The following KCNH7 variants were observed in gnomAD, a reference collection of about 807,000 sequenced individuals.
KCNH7 encodes the protein voltage-gated inwardly rectifying potassium channel KCNH7.
A neutral mutation model predicts 120.8 loss-of-function variants in KCNH7; 49 were observed. The observed-to-expected ratio is 0.41, with a 90% CI of 0.32 to 0.51. KCNH7 has a LOEUF of 0.51. Among genes scored for constraint, KCNH7 ranks in the 20% least tolerant of loss-of-function variants. The probability of loss-of-function intolerance (pLI) is 0.38; values close to 1 mark genes in which losing one functional copy is unlikely to be tolerated. For missense variants in KCNH7, 1,097 were observed against 1,446.6 expected, an observed-to-expected ratio of 0.76 and a Z score of 3.92; for synonymous variants, 547 against 516.1, an observed-to-expected ratio of 1.06 and a Z score of -0.81.
chr2:162,776,662 C>T (rs901392174), intron 2 of KCNH7, among the ~76,000 whole-genome samples: 1 of 152,126 alleles, frequency 6.6e-6, no homozygotes, highest in African/African-American at 2.4e-5. Flanking sequence ...CAGTCTAGGA[C>T]TTTATGATTC....
intron 2 of KCNH7, among the ~76,000 whole-genome samples, chr2:162,709,771 AC>A (rs1199423518): frequency 6.6e-6 from 1 of 152,114 alleles, no homozygotes; most frequent in African/African-American, 2.4e-5. Context: ...CAAATGCTCT[AC>A]TCAAGCCCTC....
intron 2 of KCNH7, among the ~76,000 whole-genome samples, chr2:162,739,451 C>T (rs1574326494): frequency 1.3e-5 from 2 of 152,226 alleles, no homozygotes. Context: ...CACTGGGGCA[C>T]CATGTCTTTT....
intron 2 of KCNH7, among the ~76,000 whole-genome samples, chr2:162,611,981 C>T (rs558476171): frequency 5.3e-5 from 8 of 152,096 alleles, no homozygotes; most frequent in East Asian, 1.9e-4. Flanking sequence ...TGGAATAGTC[C>T]GGATCACACA....
chr2:162,587,227 T>C (rs1694049464), intron 2 of KCNH7, among the ~76,000 whole-genome samples: 3 of 151,800 alleles, frequency 2.0e-5, no homozygotes, highest in Non-Finnish European at 4.4e-5. Context: ...ATCAAACACA[T>C]TGACTACATC....
intron 2 of KCNH7, among the ~76,000 whole-genome samples, chr2:162,541,121 A>G (rs79206075): frequency 0.016 from 2,404 of 152,178 alleles, 60 homozygotes; most frequent in East Asian, 0.095. Flanking sequence ...CAGCATGTTG[A>G]CTTTGCAATT....
chr2:162,649,772 T>C (rs1484325109), intron 2 of KCNH7, among the ~76,000 whole-genome samples: 1 of 152,166 alleles, frequency 6.6e-6, no homozygotes, highest in Non-Finnish European at 1.5e-5. Context: ...TTAAAAGGAA[T>C]TCTTCAATCT....
intron 2 of KCNH7, among the ~76,000 whole-genome samples, chr2:162,706,968 G>T (rs565032266): frequency 1.3e-5 from 2 of 152,020 alleles, no homozygotes; most frequent in Non-Finnish European, 2.9e-5. Context: ...GGCTATCTCC[G>T]GTTTCATGGT....
At chr2:162,750,080 C>A (rs1047189622) in intron 2 of KCNH7, among the ~76,000 whole-genome samples, 3 of 152,098 alleles carry the variant, frequency 2.0e-5, no homozygotes, top group African/African-American at 7.2e-5. Flanking sequence ...GGATTCAACA[C>A]ATTAACATGG....
At chr2:162,395,298 CA>C (rs1436414119) in intron 11 of KCNH7, among the ~76,000 whole-genome samples, 2 of 151,558 alleles carry the variant, frequency 1.3e-5, no homozygotes, top group Non-Finnish European at 3.0e-5. Context: ...AATAGTACTG[CA>C]AAGAAAAATG....
chr2:162,371,744 G>T lies in KCNH7; in HGVS notation c.*85C>A. The stretch of plus-strand genomic sequence containing the variant: ...ATAATGGTACCTTGTGAGCCCCTGA[G>T]TCAAGTAGAGAGGATTTAAATAGAA... On this transcript the variant is annotated 3_prime_UTR_variant, in exon 16 of 16. Transcript: ENST00000332142. 1 of 1,288,700 alleles carries T rather than the reference G, an allele frequency of 7.8e-7. No individual in the cohort carries two copies. Among genetic ancestry groups the T allele is most frequent in the Non-Finnish European group, 1.1e-6 (1 of 930,986 alleles). 79.8% of individuals were successfully genotyped at this position (1,288,700 alleles called of 1,614,324 possible).
At chr2:162,373,109 A>C (rs1686022915) in intron 15 of KCNH7, among the ~76,000 whole-genome samples, 1 of 152,152 alleles carries the variant, frequency 6.6e-6, no homozygotes. Flanking sequence ...TTTGGGACCC[A>C]GATTTTTCCT....
At chr2:162,550,106 G>A (rs561773768) in intron 2 of KCNH7, among the ~76,000 whole-genome samples, 33 of 152,272 alleles carry the variant, frequency 2.2e-4, no homozygotes, top group Admixed American at 2.0e-4. Flanking sequence ...AGGCCATAGC[G>A]GTGTGGAATG....
chr2:162,782,278 A>T (rs1401064242), intron 2 of KCNH7, among the ~76,000 whole-genome samples: 2 of 152,208 alleles, frequency 1.3e-5, no homozygotes, highest in African/African-American at 4.8e-5. Context: ...ATAGATAATG[A>T]AAAGGACAAT....
intron 2 of KCNH7, among the ~76,000 whole-genome samples, chr2:162,662,678 CT>C (rs1685004075): frequency 6.6e-6 from 1 of 152,152 alleles, no homozygotes; most frequent in Non-Finnish European, 1.5e-5. Context: ...GATCACCCTC[CT>C]TTCTTTGATC....
At chr2:162,752,949 A>AAAAG (rs1688631785) in intron 2 of KCNH7, among the ~76,000 whole-genome samples, 1 of 106,746 alleles carries the variant, frequency 9.4e-6, no homozygotes, top group Non-Finnish European at 1.7e-5. Context: ...AAAAGAAAAG[A>AAAAG]AAAGAAAAGA....
chr2:162,477,044 T>C (rs1412978174), intron 6 of KCNH7, among the ~76,000 whole-genome samples: 1 of 152,210 alleles, frequency 6.6e-6, no homozygotes, highest in African/African-American at 2.4e-5. Context: ...CATATAAATG[T>C]TGTCATTCAG....
chr2:162,820,071 G>T (rs1314386172), intron 2 of KCNH7, among the ~76,000 whole-genome samples: 4 of 116,476 alleles, frequency 3.4e-5, no homozygotes, highest in African/African-American at 1.4e-4. Flanking sequence ...GTGGAGTCTC[G>T]CCCTGTCGCC....
At chr2:162,772,442 C>A (rs1683089946) in intron 2 of KCNH7, among the ~76,000 whole-genome samples, 1 of 152,300 alleles carries the variant, frequency 6.6e-6, no homozygotes, top group Non-Finnish European at 1.5e-5. Context: ...TTATCACATT[C>A]AATCCCCATG....
At chr2:162,554,071 A>C (rs1200293493) in intron 2 of KCNH7, among the ~76,000 whole-genome samples, 1 of 152,182 alleles carries the variant, frequency 6.6e-6, no homozygotes, top group African/African-American at 2.4e-5. Context: ...TGTTAAGCTA[A>C]TGTTTACAGG....
Sources: allele counts gnomAD v4.1 joint callset (sites outside exome capture counted in the v4.1 genomes callset), GRCh38; gene constraint gnomAD v4.1.1; transcripts MANE v1.5; gene names NCBI Gene and HGNC (gene_info 2026-07-23, HGNC 2026-07-21).